Variants in ATAD2B observed in about 807,000 individuals in gnomAD.
ATAD2B encodes the protein ATPase family AAA domain containing 2B.
A neutral mutation model predicts 167.6 loss-of-function variants in ATAD2B; 40 were observed. That is an observed-to-expected ratio of 0.24 (90% CI 0.19 to 0.31). ATAD2B has a LOEUF of 0.31. Ranked by LOEUF, ATAD2B falls within the 10% of genes least tolerant of loss-of-function variation. The pLI is 1.00. For missense variants in ATAD2B, 1,242 were observed against 1,757.2 expected (o/e 0.71, Z 5.24); for synonymous variants, 579 against 596.5 (o/e 0.97, Z 0.43).
chr2:23,894,961 A>G (rs1699995306), intron 2 of ATAD2B, among the ~76,000 whole-genome samples: 2 of 152,178 alleles, frequency 1.3e-5, no homozygotes, highest in African/African-American at 4.8e-5. Context: ...CAAAGTCTAT[A>G]TAACCCCAAA....
the ATAD2B span, among the ~76,000 whole-genome samples, chr2:23,741,972 A>G: frequency 6.6e-6 from 1 of 152,246 alleles, no homozygotes; most frequent in Non-Finnish European, 1.5e-5. Flanking sequence ...ATCACTGGCC[A>G]TCAGAGAAAT....
chr2:23,684,512 T>C, the ATAD2B span: 1 of 1,549,902 alleles, frequency 6.5e-7, no homozygotes, highest in South Asian at 1.2e-5. The surrounding 1 kb of genome is among the most constrained non-coding windows in gnomAD (Gnocchi z 4.4). Flanking sequence ...TTCCTGCAGC[T>C]TGTATTTCAA....
chr2:23,850,653 G>A (rs550947984), intron 13 of ATAD2B, among the ~76,000 whole-genome samples: 2 of 152,256 alleles, frequency 1.3e-5, no homozygotes, highest in East Asian at 3.9e-4. Context: ...AGATAGGGAG[G>A]GCTCTGCAGG....
In ATAD2B at chr2:23,754,653, T is replaced by C; in HGVS notation, c.4200A>G (p.Arg1400=). The change falls in exon 26 of 28, where the codon AGA becomes AGG. Residue 1400 remains arginine, a synonymous_variant. Coordinates refer to ENST00000238789, the MANE Select transcript of ATAD2B (RefSeq NM_017552.4). The part of the protein sequence containing the change: ...PVPPLIVDRE[R]LKKLLDLLVD... ...TGGGAATAGCTAAGCTTACCTTCAATCTCTCACGATCAACTATAAGAGGAG... is the reference window on the plus strand; with the variant it reads ...TGGGAATAGCTAAGCTTACCTTCAACCTCTCACGATCAACTATAAGAGGAG... 1.2e-6 allele frequency: 2 copies of C among 1,611,784 alleles called. No individual in the cohort carries two copies. Among genetic ancestry groups the C allele is most frequent in the Non-Finnish European group, 1.7e-6 (2 of 1,178,904 alleles).
chr2:23,818,123 T>TAC (rs112996560), intron 17 of ATAD2B, among the ~76,000 whole-genome samples: 43,606 of 101,424 alleles, frequency 0.43, 8,033 homozygotes, highest in African/African-American at 0.47. Flanking sequence ...ACACACACAT[T>TAC]ACACACACAC....
At chr2:23,807,996 GCA>G (rs1490404394) in intron 18 of ATAD2B, among the ~76,000 whole-genome samples, 2 of 83,148 alleles carry the variant, frequency 2.4e-5, no homozygotes, top group Admixed American at 1.3e-4. Context: ...TATAAATTTA[GCA>G]CAGTAATTTA....
chr2:23,862,877 G>A (rs1318041987), intron 12 of ATAD2B, among the ~76,000 whole-genome samples: 1 of 151,946 alleles, frequency 6.6e-6, no homozygotes, highest in Non-Finnish European at 1.5e-5. Context: ...TATATACCTC[G>A]CAGCCACCTC....
At chr2:23,898,752 C>A (rs1055394780) in intron 1 of ATAD2B, among the ~76,000 whole-genome samples, 1 of 152,144 alleles carries the variant, frequency 6.6e-6, no homozygotes, top group African/African-American at 2.4e-5. Context: ...CATGAAATCC[C>A]AAAACTTTGA....
the ATAD2B span, among the ~76,000 whole-genome samples, chr2:23,687,010 G>A: frequency 6.6e-6 from 1 of 152,196 alleles, no homozygotes; most frequent in Admixed American, 6.5e-5. Context: ...CACATTCTTG[G>A]TGGTCAAGAG....
At chr2:23,874,555 T>C (rs2150136748) in intron 8 of ATAD2B, among the ~76,000 whole-genome samples, 1 of 151,878 alleles carries the variant, frequency 6.6e-6, no homozygotes, top group South Asian at 2.1e-4. Context: ...ATATAAAAAT[T>C]AGCTGAAAAT....
the ATAD2B span, among the ~76,000 whole-genome samples, chr2:23,720,573 C>T: frequency 5.1e-5 from 4 of 78,644 alleles, no homozygotes; most frequent in African/African-American, 7.3e-5. Context: ...AGCGAGACTC[C>T]GTCTCAAAAA....
the ATAD2B span, among the ~76,000 whole-genome samples, chr2:23,687,063 G>A: frequency 9.2e-4 from 140 of 152,278 alleles, 1 homozygote; most frequent in East Asian, 0.018. Context: ...CTTGGCATCC[G>A]TGACCCTGGA....
In ATAD2B at chr2:23,754,276, T is replaced by C; in HGVS notation, c.4238A>G (p.Asn1413Ser). The change falls in exon 27 of 28, where the codon AAC (asparagine) becomes AGC (serine). Residue 1413 changes from asparagine to serine, a missense_variant. This residue lies in a region of ATAD2B where 282 missense variants were observed against 346.8 expected (regional missense o/e 0.81). Transcript: ENST00000238789. ...CTCAAGCTGATCAACTGCCAGATTG[T>C]TGCTTTTATCCACCAACAAATCAAG... ...KLLDLLVDKS[N>S]NLAVDQLERL... 1 of 1,566,238 alleles carries C rather than the reference T, an allele frequency of 6.4e-7. No individual in the cohort carries two copies.
At chr2:23,712,546 G>A in the ATAD2B span, among the ~76,000 whole-genome samples, 1 of 152,186 alleles carries the variant, frequency 6.6e-6, no homozygotes, top group Non-Finnish European at 1.5e-5. Context: ...CGGCCTGGGA[G>A]AGCAGAGGAG....
intron 13 of ATAD2B, among the ~76,000 whole-genome samples, chr2:23,839,033 T>C (rs1485705033): frequency 1.3e-5 from 2 of 152,192 alleles, no homozygotes; most frequent in Non-Finnish European, 2.9e-5. Context: ...TAGAAACTTT[T>C]TGCTAATGAG....
At chr2:23,835,320 A>G (rs1197498484) in intron 13 of ATAD2B, among the ~76,000 whole-genome samples, 3 of 152,256 alleles carry the variant, frequency 2.0e-5, no homozygotes, top group Non-Finnish European at 4.4e-5. Context: ...ACAATGGAAC[A>G]GTATTCCTCA....
chr2:23,807,060 G>T (rs1401629780), intron 18 of ATAD2B, among the ~76,000 whole-genome samples: 1 of 152,164 alleles, frequency 6.6e-6, no homozygotes, highest in Non-Finnish European at 1.5e-5. Context: ...ATGACACTGT[G>T]AAGTATTCAC....
downstream of ATAD2B, among the ~76,000 whole-genome samples, chr2:23,746,195 T>C (rs932058571): frequency 5.3e-5 from 8 of 152,336 alleles, no homozygotes; most frequent in African/African-American, 1.9e-4. Flanking sequence ...ATGATGTTTG[T>C]TATCTGTCTA....
chr2:23,869,762 CTATT>C lies in ATAD2B; in HGVS notation c.978-5_978-2del, dbSNP rs1451756003. On this transcript the variant is annotated splice_acceptor_variant and splice_polypyrimidine_tract_variant and intron_variant, in intron 8 of 27. Coordinates refer to ENST00000238789, the MANE Select transcript of ATAD2B (RefSeq NM_017552.4). LOFTEE classifies it high-confidence loss of function. ...ACTATGAATGGCATGCTTCTTTCTC[CTATT>C]TAAAGAGAGTAAAATCCTTAAAACC... The C allele has an allele frequency of 3.2e-6, 5 of 1,550,326 alleles. No individual in the cohort carries two copies. The highest frequency in any genetic ancestry group is 1.4e-5 in the African/African-American group (1 of 73,668).
Sources: allele counts gnomAD v4.1 joint callset (sites outside exome capture counted in the v4.1 genomes callset), GRCh38; gene constraint gnomAD v4.1.1; regional missense constraint gnomAD v4.1.1; non-coding constraint Gnocchi (gnomAD v3.1); transcripts MANE v1.5; gene names NCBI Gene and HGNC (gene_info 2026-07-23, HGNC 2026-07-21).